Variants in ZNF521 observed in about 807,000 individuals in gnomAD.
The protein encoded by ZNF521 is zinc finger protein 521.
Under a neutral mutation model 105.5 loss-of-function variants are expected in ZNF521, and 14 were observed. That is an observed-to-expected ratio of 0.13 (90% CI 0.09 to 0.21). The LOEUF is 0.21. Ranked by LOEUF, ZNF521 falls within the 10% of genes least tolerant of loss-of-function variation. The pLI is 1.00. For synonymous variants in ZNF521, 635 were observed against 606.0 expected, an observed-to-expected ratio of 1.05 and a Z score of -0.70; for missense variants, 1,233 against 1,629.7, an observed-to-expected ratio of 0.76 and a Z score of 4.19.
intron 3 of ZNF521, among the ~76,000 whole-genome samples, chr18:25,287,487 T>C (rs533083870): frequency 7.2e-4 from 110 of 152,206 alleles, no homozygotes; most frequent in Non-Finnish European, 1.3e-3. Flanking sequence ...AGCAGCGAAA[T>C]GTTATTGATC....
intron 4 of ZNF521, among the ~76,000 whole-genome samples, chr18:25,213,755 T>C (rs984318741): frequency 6.6e-6 from 1 of 152,122 alleles, no homozygotes; most frequent in Non-Finnish European, 1.5e-5. Context: ...GAGCCTAATA[T>C]TTTCTTTGGA....
In ZNF521 at chr18:25,226,645, G is replaced by A. The variant is rs768475199; in HGVS notation, c.1273C>T (p.Leu425=). 1.9e-6 allele frequency: 3 copies of A among 1,614,188 alleles called. No homozygotes were observed. In the South Asian group the frequency reaches 3.3e-5, roughly 18 times the overall value. The change falls in exon 4 of 8, where the codon CTG becomes TTG. Residue 425 remains leucine, a synonymous_variant. Coordinates refer to ENST00000361524, the MANE Select transcript of ZNF521 (RefSeq NM_015461.3). This position sits in a 1 kb window ranked among gnomAD's most constrained non-coding sequence, Gnocchi z 4.1. The stretch of plus-strand genomic sequence containing the variant: ...GGCTTATCTAAGTGCATAGTTTTCA[G>A]GTGAATCTGCAGAACTGCAAGACTT... The part of the protein sequence containing the change: ...FSSLAVLQIH[L]KTMHLDKPEQ...
intron 3 of ZNF521, among the ~76,000 whole-genome samples, chr18:25,285,217 T>C (rs1910632009): frequency 6.6e-6 from 1 of 152,142 alleles, no homozygotes; most frequent in African/African-American, 2.4e-5. Flanking sequence ...CGAATTCAGG[T>C]ATTAGTAAAG....
chr18:25,084,182 C>A (rs2033570470), intron 7 of ZNF521, among the ~76,000 whole-genome samples: 1 of 139,660 alleles, frequency 7.2e-6, no homozygotes, highest in African/African-American at 2.5e-5. Context: ...ACAAGGACTC[C>A]TAAAGGCCTC....
In ZNF521 at chr18:25,224,334, A is replaced by G. The variant is rs1905945716; in HGVS notation, c.3573+11T>C. 1 of 1,596,394 alleles carries G rather than the reference A, an allele frequency of 6.3e-7. No individual in the cohort carries two copies. The highest frequency in any genetic ancestry group is 2.2e-5 in the East Asian group (1 of 44,544). ...GAGGTTAAATAGCAAACATTAAAAAAGGCGAGTTACCTCATCCGACTGGGA... is the reference window on the plus strand; with the variant it reads ...GAGGTTAAATAGCAAACATTAAAAAGGGCGAGTTACCTCATCCGACTGGGA... On this transcript the variant is annotated intron_variant, in intron 4 of 7. Coordinates refer to ENST00000361524, the MANE Select transcript of ZNF521 (RefSeq NM_015461.3).
chr18:25,188,399 A>T (rs2035762490), intron 5 of ZNF521, among the ~76,000 whole-genome samples: 1 of 152,156 alleles, frequency 6.6e-6, no homozygotes, highest in Admixed American at 6.5e-5. Flanking sequence ...GAAATAACCT[A>T]TGGAAATAGG....
chr18:25,124,263 G>A (rs952151851), intron 5 of ZNF521, among the ~76,000 whole-genome samples: 1 of 152,084 alleles, frequency 6.6e-6, no homozygotes, highest in South Asian at 2.1e-4. Flanking sequence ...AAGAGATACA[G>A]GATGAGGAGG....
intron 3 of ZNF521, among the ~76,000 whole-genome samples, chr18:25,318,237 A>AT (rs1203157714): frequency 6.6e-6 from 1 of 152,174 alleles, no homozygotes; most frequent in Non-Finnish European, 1.5e-5. Flanking sequence ...ACGCCGTACA[A>AT]TTTCATTTAC....
chr18:25,183,168 T>C (rs2035661655), intron 5 of ZNF521, among the ~76,000 whole-genome samples: 1 of 152,170 alleles, frequency 6.6e-6, no homozygotes, highest in South Asian at 2.1e-4. Context: ...AGATTCAATA[T>C]ACTATATCCT....
chr18:25,148,175 G>C (rs1250924688), intron 5 of ZNF521, among the ~76,000 whole-genome samples: 1 of 152,124 alleles, frequency 6.6e-6, no homozygotes, highest in Non-Finnish European at 1.5e-5. Flanking sequence ...ACTTAGATAG[G>C]GAAATAGATA....
intron 7 of ZNF521, among the ~76,000 whole-genome samples, chr18:25,063,160 C>T (rs758470041): frequency 1.8e-4 from 27 of 152,192 alleles, no homozygotes; most frequent in Admixed American, 1.7e-3. Flanking sequence ...GAGCAGGTAG[C>T]ACTGTTTTAA....
chr18:25,188,904 C>G (rs944694985), intron 5 of ZNF521, among the ~76,000 whole-genome samples: 3 of 152,224 alleles, frequency 2.0e-5, no homozygotes, highest in African/African-American at 7.2e-5. Flanking sequence ...AATCCTCAGC[C>G]TCACAGAAAA....
chr18:25,228,667 G>A (rs1906335069), intron 3 of ZNF521, among the ~76,000 whole-genome samples: 2 of 152,188 alleles, frequency 1.3e-5, no homozygotes, highest in South Asian at 4.1e-4. Context: ...GGTAAATGCT[G>A]AAAGATTTAT....
chr18:25,177,280 TCA>T lies in ZNF521; in HGVS notation c.3658+17878_3658+17879del, dbSNP rs562235967. ...CTTTTGCTGACCATTTGGTTTTAAG[TCA>T]CCAATTTAAAATTCCACTTGGCTAA... On this transcript the variant is annotated intron_variant, in intron 5 of 7. Transcript: ENST00000361524. 3.2e-4 allele frequency among the ~76,000 whole-genome samples: 48 copies of T among 152,220 alleles called. No homozygotes were observed. The East Asian group carries it at 6.9e-3, about 22-fold the overall frequency.
intron 4 of ZNF521, 59 bp downstream of exon 4, chr18:25,224,286 T>C (rs1905938567): frequency 2.1e-6 from 3 of 1,449,418 alleles, no homozygotes; most frequent in East Asian, 2.3e-5. Context: ...AGTGTAAACA[T>C]AAAGCAGGGA....
chr18:25,217,276 G>A (rs151314418), intron 4 of ZNF521, among the ~76,000 whole-genome samples: 77 of 152,294 alleles, frequency 5.1e-4, no homozygotes, highest in Non-Finnish European at 4.1e-4. Flanking sequence ...GTATCCAGAC[G>A]AGAAACAATT....
At chr18:25,140,653 G>A (rs2034829530) in intron 5 of ZNF521, among the ~76,000 whole-genome samples, 1 of 152,212 alleles carries the variant, frequency 6.6e-6, no homozygotes. Context: ...CACATGGGGA[G>A]ACAGAGGGGA....
intron 5 of ZNF521, among the ~76,000 whole-genome samples, chr18:25,101,613 G>A (rs1021649314): frequency 6.6e-6 from 1 of 152,140 alleles, no homozygotes; most frequent in South Asian, 2.1e-4. Flanking sequence ...CTTTGGACAG[G>A]CCACTGAATG....
rs1491344075 is a variant in ZNF521, at chr18:25,283,922, T to TTC, written c.220+38085_220+38086insGA. Among the ~76,000 whole-genome samples the TTC allele has an allele frequency of 7.3e-3, 708 of 97,210 alleles. 8 individuals carry two copies. Among genetic ancestry groups the TTC allele is most frequent in the African/African-American group, 0.022 (655 of 29,126 alleles). 63.8% of individuals were successfully genotyped at this position (97,210 alleles called of 152,430 possible). A position where few individuals can be genotyped will look rare whatever the true frequency, so the allele number is the denominator to read the frequency against. Reference sequence around the variant, plus strand: ...ACACCTAAAAAACAAGCCAATACTTTCCCCCCCCCCCAAAAAAATTCATGA... The same window carrying TTC: ...ACACCTAAAAAACAAGCCAATACTTTTCCCCCCCCCCCCAAAAAAATTCATGA... On this transcript the variant is annotated intron_variant, in intron 3 of 7. Coordinates refer to ENST00000361524, the MANE Select transcript of ZNF521 (RefSeq NM_015461.3).
Sources: allele counts gnomAD v4.1 joint callset (sites outside exome capture counted in the v4.1 genomes callset), GRCh38; gene constraint gnomAD v4.1.1; non-coding constraint Gnocchi (gnomAD v3.1); transcripts MANE v1.5; gene names NCBI Gene and HGNC (gene_info 2026-07-23, HGNC 2026-07-21).